Variants in MEOX2 observed in about 807,000 individuals in gnomAD.
MEOX2 encodes mesenchyme homeobox 2.
MEOX2 carries 11 observed loss-of-function variants against 27.0 expected under a neutral mutation model. The ratio of observed to expected loss-of-function variants is 0.41; its 90% confidence interval spans 0.26 to 0.68. The LOEUF is 0.68. Ranked by LOEUF, MEOX2 falls within the 30% of genes least tolerant of loss-of-function variation. MEOX2 has a pLI of 0.33. For missense variants in MEOX2, 436 were observed against 385.4 expected (o/e 1.13, Z -1.10); for synonymous variants, 189 against 155.4 (o/e 1.22, Z -1.61).
At chr7:15,639,653 T>G (rs933422819) in intron 1 of MEOX2, among the ~76,000 whole-genome samples, 1 of 152,154 alleles carries the variant, frequency 6.6e-6, no homozygotes, top group African/African-American at 2.4e-5. Flanking sequence ...TAGTGAGAGA[T>G]AAGGTTCCAG....
chr7:15,681,621 A>G (rs1782292778), intron 1 of MEOX2: 1 of 151,824 alleles, frequency 6.6e-6, no homozygotes, highest in Non-Finnish European at 1.5e-5. Context: ...TATAAATATT[A>G]CAACTTAAAT....
At chr7:15,620,934 C>A (rs191896164) in intron 2 of MEOX2, among the ~76,000 whole-genome samples, 3 of 151,272 alleles carry the variant, frequency 2.0e-5, no homozygotes, top group African/African-American at 4.9e-5. Context: ...TATTTGGCAG[C>A]CTTAACTCTA....
chr7:15,672,320 T>G (rs1782113117), intron 1 of MEOX2, among the ~76,000 whole-genome samples: 1 of 152,172 alleles, frequency 6.6e-6, no homozygotes, highest in South Asian at 2.1e-4. Flanking sequence ...CTGTATGTAA[T>G]GCTCAGAAGC....
intron 1 of MEOX2, among the ~76,000 whole-genome samples, chr7:15,671,717 G>T (rs1562613956): frequency 6.6e-6 from 1 of 152,128 alleles, no homozygotes; most frequent in African/African-American, 2.4e-5. Context: ...CAGTATCATT[G>T]TATCAAGGTC....
intron 1 of MEOX2, among the ~76,000 whole-genome samples, chr7:15,629,803 C>T (rs1781372973): frequency 6.6e-6 from 1 of 152,010 alleles, no homozygotes; most frequent in African/African-American, 2.4e-5. Flanking sequence ...CAAACCCTAT[C>T]ACTTGCTGAC....
Position 15,612,346 on chromosome 7 carries a change from A to T in MEOX2, c.*41T>A, listed in dbSNP as rs745671969. Reference sequence around the variant, plus strand: ...ATATTTGGGTAAGGCTTGCCATCACAACATTTCTTTCCTGAGAATGGAGCT... The same window carrying T: ...ATATTTGGGTAAGGCTTGCCATCACTACATTTCTTTCCTGAGAATGGAGCT... On this transcript the variant is annotated 3_prime_UTR_variant, in exon 3 of 3. Transcript: ENST00000262041. The T allele has an allele frequency of 2.0e-6, 3 of 1,529,300 alleles. No individual in the cohort carries two copies. The Admixed American group carries it at 5.0e-5, about 26-fold the overall frequency. The allele number at this position is 1,529,300 out of a possible 1,614,324, so 94.7% of individuals were successfully genotyped here. A position where few individuals can be genotyped will look rare whatever the true frequency, so the allele number is the denominator to read the frequency against.
At chr7:15,617,206 G>A (rs750508751) in intron 2 of MEOX2, among the ~76,000 whole-genome samples, 6 of 152,072 alleles carry the variant, frequency 3.9e-5, no homozygotes, top group Non-Finnish European at 8.8e-5. Context: ...GACATAGCCA[G>A]ATGCCTCTAA....
chr7:15,670,653 A>T (rs1782080091), intron 1 of MEOX2, among the ~76,000 whole-genome samples: 1 of 152,238 alleles, frequency 6.6e-6, no homozygotes, highest in Admixed American at 6.5e-5. Flanking sequence ...TTAAAATTTA[A>T]ATTTACATAG....
chr7:15,683,381 C>T (rs1051535352), intron 1 of MEOX2, among the ~76,000 whole-genome samples: 5 of 152,002 alleles, frequency 3.3e-5, no homozygotes, highest in Admixed American at 2.0e-4. Flanking sequence ...TATAGGATGA[C>T]ATTTTTATCT....
intron 2 of MEOX2, among the ~76,000 whole-genome samples, chr7:15,623,140 G>T (rs1461820384): frequency 1.3e-5 from 2 of 152,174 alleles, no homozygotes; most frequent in African/African-American, 4.8e-5. Context: ...GGATTTTAAA[G>T]TGTTCTGTTT....
intron 1 of MEOX2, among the ~76,000 whole-genome samples, chr7:15,646,411 T>A (rs926706330): frequency 6.6e-6 from 1 of 152,066 alleles, no homozygotes; most frequent in Non-Finnish European, 1.5e-5. Context: ...CACAGCTACT[T>A]CTTCCTGCTC....
At chr7:15,655,353 T>C (rs1781801049) in intron 1 of MEOX2, among the ~76,000 whole-genome samples, 1 of 151,636 alleles carries the variant, frequency 6.6e-6, no homozygotes, top group Non-Finnish European at 1.5e-5. Context: ...TTATTTTCTT[T>C]ATTACTTTTA....
rs551872104 is a variant in MEOX2 at position 15,645,452 on chromosome 7, CAT to C, written c.518-18536_518-18535del. ...AAATACCGAAATGTAAAAGTATAGA[CAT>C]GGGCTCATACCAGTGAAAAGAAACA... On this transcript the variant is annotated intron_variant, in intron 1 of 2. Transcript: ENST00000262041. 6.8e-4 allele frequency among the ~76,000 whole-genome samples: 103 copies of C among 152,270 alleles called. 1 individual carries two copies. The highest frequency in any genetic ancestry group is 2.3e-3 in the African/African-American group (96 of 41,562).
At chr7:15,655,790 T>C (rs1191220506) in intron 1 of MEOX2, among the ~76,000 whole-genome samples, 2 of 151,788 alleles carry the variant, frequency 1.3e-5, no homozygotes, top group African/African-American at 2.4e-5. Context: ...TACCTTGATA[T>C]ATACTTAGTG....
At chr7:15,645,702 T>C (rs1336188606) in intron 1 of MEOX2, among the ~76,000 whole-genome samples, 1 of 152,202 alleles carries the variant, frequency 6.6e-6, no homozygotes, top group Non-Finnish European at 1.5e-5. Context: ...AGTGGTATCT[T>C]GGCTGTCATG....
chr7:15,617,699 C>T (rs1046000900), intron 2 of MEOX2, among the ~76,000 whole-genome samples: 1 of 151,934 alleles, frequency 6.6e-6, no homozygotes, highest in Non-Finnish European at 1.5e-5. Flanking sequence ...TTAGGATATA[C>T]TTCATAACTG....
intron 1 of MEOX2, among the ~76,000 whole-genome samples, chr7:15,639,865 T>A (rs1488135944): frequency 6.6e-6 from 1 of 152,176 alleles, no homozygotes; most frequent in Non-Finnish European, 1.5e-5. Context: ...TACTAAAGCC[T>A]TCTAGTACCC....
intron 1 of MEOX2, among the ~76,000 whole-genome samples, chr7:15,659,609 A>G (rs1781877640): frequency 6.6e-6 from 1 of 151,986 alleles, no homozygotes; most frequent in Admixed American, 6.6e-5. Flanking sequence ...GAATACAAAA[A>G]ATTAGCTGGG....
At chr7:15,625,770 A>G (rs1201242489) in intron 2 of MEOX2, among the ~76,000 whole-genome samples, 1 of 152,226 alleles carries the variant, frequency 6.6e-6, no homozygotes, top group East Asian at 1.9e-4. Flanking sequence ...GATTCTCCTC[A>G]GGGAAACAAG....
Sources: gnomAD v4.1 joint callset for allele counts (sites outside exome capture counted in the v4.1 genomes callset) on GRCh38, gnomAD v4.1.1 for gene constraint, MANE v1.5 for transcripts, NCBI Gene and HGNC (gene_info 2026-07-23, HGNC 2026-07-21) for gene names.